The following MTA3 variants were observed in gnomAD, a reference collection of about 807,000 sequenced individuals.
MTA3 encodes the protein metastasis-associated protein MTA3.
MTA3 carries 34 observed loss-of-function variants against 83.5 expected under a neutral mutation model. The ratio of observed to expected loss-of-function variants is 0.41; its 90% CI spans 0.31 to 0.54. MTA3 has a LOEUF of 0.54. Ranked by LOEUF, MTA3 falls within the 20% of genes least tolerant of loss-of-function variation. MTA3 has a pLI of 0.33. For synonymous variants in MTA3, 303 were observed against 252.7 expected, an observed-to-expected ratio of 1.20 and a Z score of -1.89; for missense variants, 761 against 726.4, an observed-to-expected ratio of 1.05 and a Z score of -0.55.
chr2:42,745,251 C>T (rs1669324869), intron 16 of MTA3, among the ~76,000 whole-genome samples: 1 of 152,150 alleles, frequency 6.6e-6, no homozygotes. Context: ...GATGGAGATT[C>T]CCAAAGAAGA....
intron 2 of MTA3, among the ~76,000 whole-genome samples, chr2:42,505,737 T>C (rs1674599481): frequency 1.3e-5 from 2 of 151,530 alleles, no homozygotes; most frequent in African/African-American, 4.9e-5. Context: ...TGGGTGGGAA[T>C]ATAGATGAAA....
chr2:42,508,876 TATATATACAAC>T (rs1410503310), intron 2 of MTA3, among the ~76,000 whole-genome samples: 1 of 146,294 alleles, frequency 6.8e-6, no homozygotes, highest in African/African-American at 2.5e-5. Context: ...TATAATATAT[TATATATACAAC>T]ATATATACTA....
chr2:42,517,192 G>A (rs1189980426), intron 2 of MTA3, among the ~76,000 whole-genome samples: 4 of 151,976 alleles, frequency 2.6e-5, no homozygotes, highest in Non-Finnish European at 4.4e-5. Context: ...CACGGGAGGC[G>A]GCGGTTGCAG....
intron 2 of MTA3, among the ~76,000 whole-genome samples, chr2:42,523,191 T>C (rs1675502341): frequency 6.6e-6 from 1 of 152,184 alleles, no homozygotes; most frequent in Non-Finnish European, 1.5e-5. Context: ...CTCATAGTTC[T>C]GAATGTCAGT....
chr2:42,515,543 C>T (rs1424911516), intron 2 of MTA3, among the ~76,000 whole-genome samples: 1 of 151,786 alleles, frequency 6.6e-6, no homozygotes, highest in Non-Finnish European at 1.5e-5. Flanking sequence ...CGCTCTCTCT[C>T]CCAGGCTAGA....
chr2:42,606,806 A>ACC (rs1683484031), intron 3 of MTA3, among the ~76,000 whole-genome samples: 1 of 150,736 alleles, frequency 6.6e-6, no homozygotes, highest in Non-Finnish European at 1.5e-5. Context: ...CACTGAGTGA[A>ACC]CGAGACTCCG....
intron 2 of MTA3, among the ~76,000 whole-genome samples, chr2:42,541,517 CTT>C (rs1313314046): frequency 1.3e-5 from 2 of 152,240 alleles, no homozygotes; most frequent in African/African-American, 2.4e-5. Context: ...ATAAAACAGG[CTT>C]TGTGTCAGAT....
At chr2:42,511,369 C>A (rs887511320) in intron 2 of MTA3, among the ~76,000 whole-genome samples, 1 of 147,770 alleles carries the variant, frequency 6.8e-6, no homozygotes, top group African/African-American at 2.5e-5. Flanking sequence ...AAAAAAAAAA[C>A]CTCAGGCATT....
rs146535845 is a variant in MTA3 at position 42,575,679 on chromosome 2, C to G, written c.97-3428C>G. 1.8e-4 allele frequency among the ~76,000 whole-genome samples: 28 copies of G among 152,354 alleles called. No individual in the cohort carries two copies. The East Asian group carries it at 5.0e-3, about 27-fold the overall frequency. On this transcript the variant is annotated intron_variant, in intron 2 of 16. Coordinates refer to ENST00000405094, the MANE Select transcript of MTA3 (RefSeq NM_001330442.2). Reference sequence around the variant, plus strand: ...AGCATGGTGCTCTGGAAACCTAACCCAGGATTCACGTTTGTTACCCTTTTG... The same window carrying G: ...AGCATGGTGCTCTGGAAACCTAACCGAGGATTCACGTTTGTTACCCTTTTG...
intron 2 of MTA3, among the ~76,000 whole-genome samples, chr2:42,505,545 A>C (rs1231856401): frequency 6.6e-6 from 1 of 151,696 alleles, no homozygotes; most frequent in East Asian, 1.9e-4. Context: ...ACCAAGCACT[A>C]AGCACCCCCC....
chr2:42,507,622 T>C (rs1374032222), intron 2 of MTA3, among the ~76,000 whole-genome samples: 6 of 150,840 alleles, frequency 4.0e-5, no homozygotes, highest in African/African-American at 1.5e-4. Context: ...ATTATGTTTT[T>C]AATGAAAAAA....
chr2:42,667,629 G>GTGT (rs1558562547), intron 8 of MTA3, among the ~76,000 whole-genome samples: 44 of 104,302 alleles, frequency 4.2e-4, no homozygotes, highest in Admixed American at 1.7e-3. Flanking sequence ...GAAAGAGAGA[G>GTGT]AGAGAGAGAG....
At chr2:42,516,773 T>C (rs1675163670) in intron 2 of MTA3, among the ~76,000 whole-genome samples, 1 of 152,148 alleles carries the variant, frequency 6.6e-6, no homozygotes, top group South Asian at 2.1e-4. Context: ...GAAACAAATG[T>C]AGGCGTGTGC....
chr2:42,572,975 G>A (rs1049633992), intron 2 of MTA3, among the ~76,000 whole-genome samples: 8 of 152,050 alleles, frequency 5.3e-5, no homozygotes, highest in African/African-American at 9.7e-5. Flanking sequence ...TGATCCACCC[G>A]CCCCAGCCTC....
Position 42,755,270 on chromosome 2 carries a change from C to A in MTA3, c.*1871C>A, listed in dbSNP as rs1670162906. The stretch of plus-strand genomic sequence containing the variant: ...TCACCCTTTCACTTTCTCTCTGAAC[C>A]CCTACTAAGTGGTGACTGCAGATTC... On this transcript the variant is annotated 3_prime_UTR_variant, in exon 17 of 17. Transcript: ENST00000405094. 2 of 985,348 alleles carry A rather than the reference C, an allele frequency of 2.0e-6. No individual in the cohort carries two copies. The highest frequency in any genetic ancestry group is 2.3e-4 in the East Asian group (2 of 8,820). 61.0% of individuals were successfully genotyped at this position (985,348 alleles called of 1,614,324 possible).
chr2:42,689,975 T>A (rs1188845989), intron 9 of MTA3, among the ~76,000 whole-genome samples: 1 of 152,028 alleles, frequency 6.6e-6, no homozygotes, highest in Non-Finnish European at 1.5e-5. Context: ...TCCTAGTATC[T>A]TCTTATTGAT....
chr2:42,497,646 A>G (rs917449472), intron 2 of MTA3, among the ~76,000 whole-genome samples: 1 of 151,808 alleles, frequency 6.6e-6, no homozygotes, highest in African/African-American at 2.4e-5. Context: ...CCCTGGCTGT[A>G]TAACTCATTT....
At chr2:42,711,783 A>AGTGTGTGTGTGTGTGTGTGTGT (rs763894802) in intron 14 of MTA3, among the ~76,000 whole-genome samples, 7 of 147,738 alleles carry the variant, frequency 4.7e-5, no homozygotes, top group African/African-American at 1.5e-4. Context: ...AGAGAGAGAG[A>AGTGTGTGTGTGTGTGTGTGTGT]GTGTGTGTGT....
At chr2:42,658,462 G>A (rs1689376634) in intron 7 of MTA3, among the ~76,000 whole-genome samples, 1 of 152,194 alleles carries the variant, frequency 6.6e-6, no homozygotes, top group Admixed American at 6.5e-5. Flanking sequence ...TCGTACAACG[G>A]AATGTCGCGT....
Sources: gnomAD v4.1 joint callset for allele counts (sites outside exome capture counted in the v4.1 genomes callset) on GRCh38, gnomAD v4.1.1 for gene constraint, MANE v1.5 for transcripts, NCBI Gene and HGNC (gene_info 2026-07-23, HGNC 2026-07-21) for gene names.